The following FRMPD4 variants were observed in gnomAD, a reference collection of about 807,000 sequenced individuals.
FRMPD4 encodes FERM and PDZ domain-containing protein 4.
Under a neutral mutation model 94.1 loss-of-function variants are expected in FRMPD4, and 22 were observed. The ratio of observed to expected loss-of-function variants is 0.23; its 90% CI spans 0.17 to 0.33. FRMPD4 has a LOEUF of 0.33. Ranked by LOEUF, FRMPD4 falls within the 10% of genes least tolerant of loss-of-function variation. FRMPD4 has a pLI of 1.00. For missense variants in FRMPD4, 1,111 were observed against 1,339.9 expected (o/e 0.83, Z 2.67); for synonymous variants, 631 against 548.6 (o/e 1.15, Z -2.10).
intron 2 of FRMPD4, among the ~76,000 whole-genome samples, chrX:12,517,437 TCTAA>T (rs745548557): frequency 6.2e-4 from 70 of 112,848 alleles, no homozygotes; most frequent in Non-Finnish European, 6.2e-4. Flanking sequence ...TTGTTTTTCT[TCTAA>T]CTGTCAGGCC....
intron 1 of FRMPD4, among the ~76,000 whole-genome samples, chrX:12,309,767 G>T (rs980418270): frequency 8.9e-6 from 1 of 112,696 alleles, no homozygotes; most frequent in African/African-American, 3.2e-5. Context: ...TGTACAAAAC[G>T]CGGTGTCCTC....
At chrX:11,943,134 G>T in intron 3 of FRMPD4, among the ~76,000 whole-genome samples, 1 of 111,788 alleles carries the variant, frequency 8.9e-6, no homozygotes, top group East Asian at 2.8e-4. Context: ...GAACAGAAAT[G>T]AGCGTTGGAA....
intron 3 of FRMPD4, among the ~76,000 whole-genome samples, chrX:11,899,474 G>C (rs2147327843): frequency 9.2e-6 from 1 of 108,629 alleles, no homozygotes; most frequent in East Asian, 2.9e-4. Context: ...TGTTACCCCA[G>C]TGACATCTTT....
chrX:12,164,045 T>G (rs1403394327), intron 1 of FRMPD4, among the ~76,000 whole-genome samples: 5 of 111,614 alleles, frequency 4.5e-5, no homozygotes, highest in African/African-American at 1.6e-4. Context: ...CCCCTTAGTT[T>G]TTTTTTTATT....
chrX:12,612,190 G>A (rs957792769), intron 3 of FRMPD4, among the ~76,000 whole-genome samples: 10 of 111,470 alleles, frequency 9.0e-5, no homozygotes, highest in South Asian at 3.7e-4. Context: ...GAGATTCTCC[G>A]AAGTATGTGT....
chrX:11,960,603 T>C (rs140007353), intron 3 of FRMPD4, among the ~76,000 whole-genome samples: 130 of 112,645 alleles, frequency 1.2e-3, no homozygotes, highest in African/African-American at 4.1e-3. Context: ...ATATGTGCCA[T>C]ATCTCCTTAT....
At chrX:12,247,892 A>G (rs2147804663) in intron 1 of FRMPD4, among the ~76,000 whole-genome samples, 1 of 112,249 alleles carries the variant, frequency 8.9e-6, no homozygotes, top group South Asian at 3.7e-4. Flanking sequence ...TGGTATAACA[A>G]AGCAGGACTA....
At chrX:12,275,637 G>T (rs2054423509) in intron 1 of FRMPD4, among the ~76,000 whole-genome samples, 1 of 108,953 alleles carries the variant, frequency 9.2e-6, no homozygotes, top group African/African-American at 3.4e-5. Context: ...GTGAAAGGGG[G>T]AAGGGCATCA....
At chrX:12,639,130 C>T (rs927900773) in intron 4 of FRMPD4, among the ~76,000 whole-genome samples, 2 of 111,820 alleles carry the variant, frequency 1.8e-5, no homozygotes, top group Non-Finnish European at 3.8e-5. Flanking sequence ...CTTATTTTTG[C>T]TGGTGATGTT....
upstream of FRMPD4, among the ~76,000 whole-genome samples, chrX:12,138,103 T>C (rs761632938): frequency 8.9e-6 from 1 of 112,166 alleles, no homozygotes; most frequent in East Asian, 2.8e-4. Context: ...AGTGGTCACG[T>C]CTCGCCCCAG....
chrX:11,914,113 A>G (rs1203989511), intron 3 of FRMPD4, among the ~76,000 whole-genome samples: 1 of 111,653 alleles, frequency 9.0e-6, no homozygotes, highest in African/African-American at 3.3e-5. Flanking sequence ...TGGATAAATT[A>G]ATTCCAGATT....
chrX:12,663,613 T>C (rs903469225), intron 4 of FRMPD4, among the ~76,000 whole-genome samples: 1 of 112,176 alleles, frequency 8.9e-6, no homozygotes, highest in Non-Finnish European at 1.9e-5. Context: ...AGCCTTGTAG[T>C]ATAGTTTGAA....
At chrX:12,642,762 G>A (rs968501785) in intron 4 of FRMPD4, among the ~76,000 whole-genome samples, 1 of 112,278 alleles carries the variant, frequency 8.9e-6, no homozygotes, top group African/African-American at 3.2e-5. Flanking sequence ...AATTAGCAGC[G>A]TGTTGTGGTA....
intron 1 of FRMPD4, among the ~76,000 whole-genome samples, chrX:12,307,440 A>G (rs1190148967): frequency 1.8e-5 from 2 of 112,465 alleles, no homozygotes; most frequent in East Asian, 2.8e-4. Context: ...TCATTGCTCC[A>G]TGTAACAACT....
At chrX:12,402,384 C>T (rs5935327) in intron 1 of FRMPD4, among the ~76,000 whole-genome samples, 2 of 109,760 alleles carry the variant, frequency 1.8e-5, no homozygotes, top group African/African-American at 6.6e-5. Context: ...GGTGGGAATA[C>T]GCTCCATGAG....
chrX:12,496,700 A>G (rs917648449), intron 1 of FRMPD4, among the ~76,000 whole-genome samples: 3 of 111,549 alleles, frequency 2.7e-5, no homozygotes, highest in Non-Finnish European at 5.7e-5. Flanking sequence ...AAGGCCTTTC[A>G]GATCCATGTA....
Position 12,713,431 on chromosome X carries a change from G to A in FRMPD4, c.1610-2638G>A, listed in dbSNP as rs1208687889. 3.6e-5 allele frequency among the ~76,000 whole-genome samples: 4 copies of A among 110,464 alleles called. No individual in the cohort carries two copies. In the East Asian group the frequency reaches 8.5e-4, roughly 24 times the overall value. On this transcript the variant is annotated intron_variant, in intron 14 of 16. Coordinates refer to ENST00000675598, the MANE Select transcript of FRMPD4 (RefSeq NM_001368397.1). Reference sequence around the variant, plus strand: ...CTTCAGCCTCACCATCATTTCTCCCGGTTTCAAATACCTATCCCCACTCTC... The same window carrying A: ...CTTCAGCCTCACCATCATTTCTCCCAGTTTCAAATACCTATCCCCACTCTC...
rs762859362 is a variant in FRMPD4, at chrX:12,362,668, G to A, written c.42-136012G>A. Among the ~76,000 whole-genome samples, 40 of 111,493 alleles carry A rather than the reference G, an allele frequency of 3.6e-4. No homozygotes were observed. The East Asian group carries it at 7.3e-3, about 20-fold the overall frequency. On this transcript the variant is annotated intron_variant, in intron 1 of 16. Transcript: ENST00000675598. The stretch of plus-strand genomic sequence containing the variant: ...GTGAATAGTGCCGCAATAAACATAC[G>A]TGTGCATGTGTCTTTATAGCAGCAT...
At chrX:12,422,951 G>A (rs1463368013) in intron 1 of FRMPD4, among the ~76,000 whole-genome samples, 2 of 111,132 alleles carry the variant, frequency 1.8e-5, no homozygotes, top group African/African-American at 3.3e-5. Context: ...GCAGTAGACC[G>A]CATATGTCAT....
Sources: gnomAD v4.1 joint callset for allele counts (sites outside exome capture counted in the v4.1 genomes callset) on GRCh38, gnomAD v4.1.1 for gene constraint, MANE v1.5 for transcripts, NCBI Gene and HGNC (gene_info 2026-07-23, HGNC 2026-07-21) for gene names.